Variants in CXADR observed in about 807,000 individuals in gnomAD.
The protein encoded by CXADR is CXADR cell adhesion molecule.
Under a neutral mutation model 40.3 loss-of-function variants are expected in CXADR, and 20 were observed. The observed-to-expected ratio is 0.50, with a 90% CI of 0.35 to 0.72. CXADR has a LOEUF of 0.72. Ranked by LOEUF, CXADR falls within the 30% of genes least tolerant of loss-of-function variation. The probability of loss-of-function intolerance (pLI) is 0.01; values close to 1 mark genes in which losing one functional copy is unlikely to be tolerated. For synonymous variants in CXADR, 150 were observed against 161.3 expected (o/e 0.93, Z 0.53); for missense variants, 332 against 449.1 (o/e 0.74, Z 2.36).
At chr21:17,604,775 T>C in the CXADR span, 8 of 1,455,704 alleles carry the variant, frequency 5.5e-6, no homozygotes, top group Non-Finnish European at 7.3e-6. Flanking sequence ...GCCATAAAGA[T>C]ACACAGGCAG....
downstream of CXADR, among the ~76,000 whole-genome samples, chr21:17,572,507 A>G (rs921420913): frequency 6.6e-6 from 1 of 152,200 alleles, no homozygotes; most frequent in Non-Finnish European, 1.5e-5. Flanking sequence ...CGAACACGGA[A>G]AACAGAACTC....
At chr21:17,591,815 G>C (rs2061437970) in intron 7 of CXADR, among the ~76,000 whole-genome samples, 1 of 149,244 alleles carries the variant, frequency 6.7e-6, no homozygotes, top group Non-Finnish European at 1.5e-5. Context: ...ACAAACTTAA[G>C]AGAACAAAGC....
At chr21:17,550,214 C>T (rs1375693368) in intron 2 of CXADR, among the ~76,000 whole-genome samples, 1 of 151,862 alleles carries the variant, frequency 6.6e-6, no homozygotes. Context: ...AATTAGCAGA[C>T]GTGGTGGTGG....
chr21:17,563,072 G>A (rs2061146288), intron 6 of CXADR, among the ~76,000 whole-genome samples: 1 of 152,092 alleles, frequency 6.6e-6, no homozygotes, highest in South Asian at 2.1e-4. Flanking sequence ...CTTTTTCTTT[G>A]CATTTACAAT....
chr21:17,625,121 T>C, the CXADR span, among the ~76,000 whole-genome samples: 3 of 152,248 alleles, frequency 2.0e-5, no homozygotes, highest in African/African-American at 7.2e-5. Flanking sequence ...AAATGTTCAA[T>C]AAATATTTGT....
the CXADR span, among the ~76,000 whole-genome samples, chr21:17,611,200 G>C: frequency 6.6e-6 from 1 of 152,126 alleles, no homozygotes; most frequent in African/African-American, 2.4e-5. Context: ...GAAAACCCAA[G>C]GCAATTTAAT....
At chr21:17,513,255 T>C in intron 1 of CXADR, 83 bp downstream of exon 1, 1 of 1,252,072 alleles carries the variant, frequency 8.0e-7, no homozygotes, top group South Asian at 2.5e-5. Flanking sequence ...CAATGGGGCG[T>C]GGGGGAGGGG....
chr21:17,587,586 TG>T (rs1218265771), intron 7 of CXADR, among the ~76,000 whole-genome samples: 1 of 152,200 alleles, frequency 6.6e-6, no homozygotes, highest in African/African-American at 2.4e-5. Flanking sequence ...TCGATGGGGT[TG>T]TTTTTTTCTT....
intron 6 of CXADR, among the ~76,000 whole-genome samples, chr21:17,562,081 T>C (rs2061130799): frequency 6.6e-6 from 1 of 152,216 alleles, no homozygotes; most frequent in Non-Finnish European, 1.5e-5. Flanking sequence ...TAAAAGGTTA[T>C]GTTTATACTA....
chr21:17,513,459 C>G (rs980304713), intron 1 of CXADR, among the ~76,000 whole-genome samples: 3 of 152,184 alleles, frequency 2.0e-5, no homozygotes, highest in Non-Finnish European at 4.4e-5. Flanking sequence ...GGGTGCGCCT[C>G]GCAGCTCTCC....
intron 1 of CXADR, among the ~76,000 whole-genome samples, chr21:17,518,374 A>G (rs2060487529): frequency 6.6e-6 from 1 of 152,304 alleles, no homozygotes. Context: ...TGCAAAATCA[A>G]ATGACAGAAA....
At chr21:17,576,922 CAAAA>C (rs2061326136) in intron 7 of CXADR, 1 of 151,434 alleles carries the variant, frequency 6.6e-6, no homozygotes, top group Non-Finnish European at 1.5e-5. Context: ...AAACAAAAAA[CAAAA>C]AAGCACTATA....
chr21:17,566,799 G>A lies in CXADR; in HGVS notation c.*1107G>A. Reference sequence around the variant, plus strand: ...GAATAATCAAATACATTTTAAGCAAGTTAAGTGTCCTCCATCAATTCTGTA... The same window carrying A: ...GAATAATCAAATACATTTTAAGCAAATTAAGTGTCCTCCATCAATTCTGTA... On this transcript the variant is annotated 3_prime_UTR_variant, in exon 7 of 7. Coordinates refer to ENST00000284878, the MANE Select transcript of CXADR (RefSeq NM_001338.5). 3 of 965,654 alleles carry A rather than the reference G, an allele frequency of 3.1e-6. No homozygotes were observed. Among genetic ancestry groups the A allele is most frequent in the East Asian group, 2.3e-4 (2 of 8,698 alleles). The allele number at this position is 965,654 out of a possible 1,614,324, so 59.8% of individuals were successfully genotyped here. A position where few individuals can be genotyped will look rare whatever the true frequency, so the allele number is the denominator to read the frequency against.
At chr21:17,615,181 G>C in the CXADR span, among the ~76,000 whole-genome samples, 2 of 152,102 alleles carry the variant, frequency 1.3e-5, no homozygotes, top group African/African-American at 4.8e-5. Flanking sequence ...TGATCACTCT[G>C]TCTGCTCTCT....
the CXADR span, chr21:17,599,091 A>T: frequency 3.0e-6 from 1 of 333,412 alleles, no homozygotes; most frequent in Admixed American, 4.5e-5. Flanking sequence ...TAAAAAAAAA[A>T]TTGTTTAAAA....
At position 17,568,605 on chromosome 21, in the gene CXADR, G is replaced by C. The variant is rs428017; in HGVS notation, c.*2913G>C. The C allele has an allele frequency of 0.33, 318,344 of 969,842 alleles. 52,974 individuals carry two copies. Among genetic ancestry groups the C allele is most frequent in the African/African-American group, 0.36 (19,691 of 55,258 alleles). 60.1% of individuals were successfully genotyped at this position (969,842 alleles called of 1,614,324 possible). A position where few individuals can be genotyped will look rare whatever the true frequency, so the allele number is the denominator to read the frequency against. ...ATAGGGTTTCACTATTGCTCAGGCT[G>C]GTCTCAAACTGCTGGGCTCAGGAGA... On this transcript the variant is annotated 3_prime_UTR_variant, in exon 7 of 7. Transcript: ENST00000284878.
chr21:17,618,450 C>T, the CXADR span, among the ~76,000 whole-genome samples: 1 of 152,190 alleles, frequency 6.6e-6, no homozygotes, highest in African/African-American at 2.4e-5. Context: ...AATCCTTTCC[C>T]TAGGTTTTCA....
the CXADR span, chr21:17,608,964 T>A: frequency 6.2e-7 from 1 of 1,610,590 alleles, no homozygotes; most frequent in Non-Finnish European, 8.5e-7. Flanking sequence ...TCCAATCTAA[T>A]CCTTTACCTG....
chr21:17,543,018 A>G, intron 1 of CXADR: 1 of 361,428 alleles, frequency 2.8e-6, no homozygotes, highest in Non-Finnish European at 5.5e-6. Context: ...ATTTTAATTC[A>G]TTTCTAGTGC....
Sources: gnomAD v4.1 joint callset for allele counts (sites outside exome capture counted in the v4.1 genomes callset) on GRCh38, gnomAD v4.1.1 for gene constraint, MANE v1.5 for transcripts, NCBI Gene and HGNC (gene_info 2026-07-23, HGNC 2026-07-21) for gene names.